Variants in SMAD2 observed in about 807,000 individuals in gnomAD.
SMAD2 encodes MAD homolog 2.
Under a neutral mutation model 64.4 loss-of-function variants are expected in SMAD2, and 8 were observed. The ratio of observed to expected loss-of-function variants is 0.12; its 90% CI spans 0.07 to 0.22. SMAD2 has a LOEUF of 0.22. Ranked by LOEUF, SMAD2 falls within the 10% of genes least tolerant of loss-of-function variation. The pLI, the probability that SMAD2 is intolerant of heterozygous loss-of-function variation, is 1.00. For missense variants in SMAD2, 289 were observed against 561.2 expected, an observed-to-expected ratio of 0.51 and a Z score of 4.90; for synonymous variants, 203 against 195.8, an observed-to-expected ratio of 1.04 and a Z score of -0.31.
At chr18:47,908,907 C>A (rs1260021507) in intron 1 of SMAD2, among the ~76,000 whole-genome samples, 1 of 152,120 alleles carries the variant, frequency 6.6e-6, no homozygotes, top group Non-Finnish European at 1.5e-5. Flanking sequence ...GAGATCCATA[C>A]GATGTGCCAC....
At chr18:47,889,613 T>C (rs1430924515) in intron 2 of SMAD2, among the ~76,000 whole-genome samples, 1 of 151,792 alleles carries the variant, frequency 6.6e-6, no homozygotes, top group Non-Finnish European at 1.5e-5. Flanking sequence ...CTACTAAAAA[T>C]ACAAAAAATT....
chr18:47,838,770 A>T lies in SMAD2; in HGVS notation c.*3057T>A, dbSNP rs552819974. On this transcript the variant is annotated 3_prime_UTR_variant, in exon 11 of 11. Transcript: ENST00000262160. ...TGCCACTAAGTCAGTGAGAACTCCA[A>T]CAGCCTCCCCTAAGCCAGCCCCCAA... The T allele has an allele frequency of 7.7e-5, 18 of 232,492 alleles. No individual in the cohort carries two copies. Among genetic ancestry groups the T allele is most frequent in the Admixed American group, 1.7e-4 (3 of 17,732 alleles). 14.4% of individuals were successfully genotyped at this position (232,492 alleles called of 1,614,324 possible). A position where few individuals can be genotyped will look rare whatever the true frequency, so the allele number is the denominator to read the frequency against.
At chr18:47,866,316 CA>C (rs34302955) in intron 5 of SMAD2, among the ~76,000 whole-genome samples, 52 of 42,092 alleles carry the variant, frequency 1.2e-3, no homozygotes, top group Middle Eastern at 0.015. Context: ...AACACCGTCT[CA>C]AAAAAAAAAA....
intron 7 of SMAD2, among the ~76,000 whole-genome samples, chr18:47,850,498 T>C (rs1255519690): frequency 4.0e-5 from 1 of 24,774 alleles, no homozygotes; most frequent in South Asian, 1.3e-3. Flanking sequence ...TTATGTATAA[T>C]ATATGTTATA....
In SMAD2 at chr18:47,832,250, T is replaced by C. The variant is rs946198448; in HGVS notation, c.*9577A>G. On this transcript the variant is annotated 3_prime_UTR_variant, in exon 11 of 11. Transcript: ENST00000262160. ...ATCTCCTGATACAGAACAGTGTCAC[T>C]ACTTCAAGCTAAGCAGTGACAGGCA... is the stretch of plus-strand genomic sequence containing the variant. 4.6e-5 allele frequency: 7 copies of C among 152,208 alleles called. No individual in the cohort carries two copies. Among genetic ancestry groups the C allele is most frequent in the African/African-American group, 1.7e-4 (7 of 41,448 alleles). 9.4% of individuals were successfully genotyped at this position (152,208 alleles called of 1,614,324 possible). A position where few individuals can be genotyped will look rare whatever the true frequency, so the allele number is the denominator to read the frequency against.
chr18:47,821,829 GCTT>G lies in SMAD2; in HGVS notation c.*19995_*19997del, dbSNP rs768914941. 8 of 151,998 alleles carry G rather than the reference GCTT, an allele frequency of 5.3e-5. No homozygotes were observed. Among genetic ancestry groups the G allele is most frequent in the Admixed American group, 6.6e-5 (1 of 15,260 alleles). The allele number at this position is 151,998 out of a possible 1,614,324, so 9.4% of individuals were successfully genotyped here. A position where few individuals can be genotyped will look rare whatever the true frequency, so the allele number is the denominator to read the frequency against. On this transcript the variant is annotated 3_prime_UTR_variant, in exon 11 of 11. Coordinates refer to ENST00000262160, the MANE Select transcript of SMAD2 (RefSeq NM_005901.6). The stretch of plus-strand genomic sequence containing the variant: ...TTAAATGTATGTAACTTTCTGCATT[GCTT>G]CTTAAGTCTTTTGATTATCATTCTT...
At chr18:47,903,082 C>CA (rs1445987520) in intron 1 of SMAD2, among the ~76,000 whole-genome samples, 1 of 151,762 alleles carries the variant, frequency 6.6e-6, no homozygotes, top group Non-Finnish European at 1.5e-5. Flanking sequence ...CCCATAAATG[C>CA]AAAAAATCTA....
intron 4 of SMAD2, among the ~76,000 whole-genome samples, chr18:47,868,888 A>C (rs1289709988): frequency 3.9e-5 from 6 of 152,196 alleles, no homozygotes; most frequent in Non-Finnish European, 8.8e-5. Flanking sequence ...GTACATACAA[A>C]TGATGTCATT....
rs1038176729 is a variant in SMAD2 at position 47,927,148 on chromosome 18, G to A, written c.-54+3213C>T. Among the ~76,000 whole-genome samples, 4 of 152,140 alleles carry A rather than the reference G, an allele frequency of 2.6e-5. No homozygotes were observed. The East Asian group carries it at 7.7e-4, about 29-fold the overall frequency. On this transcript the variant is annotated intron_variant, in intron 1 of 10. Transcript: ENST00000262160. Reference sequence around the variant, plus strand: ...TCCTTAACCAGCTTCTGTAATTAAAGGGCAATAAGTGATCAAATTAAGGTC... The same window carrying A: ...TCCTTAACCAGCTTCTGTAATTAAAAGGCAATAAGTGATCAAATTAAGGTC...
chr18:47,891,781 G>T (rs1364388363), intron 2 of SMAD2, among the ~76,000 whole-genome samples: 1 of 151,884 alleles, frequency 6.6e-6, no homozygotes, highest in East Asian at 1.9e-4. Flanking sequence ...AGAAAAAACT[G>T]ACTTCAAAGA....
Position 47,817,892 on chromosome 18 carries a change from T to C in SMAD2, c.*23935A>G, listed in dbSNP as rs1449366441. Reference sequence around the variant, plus strand: ...AACACTGGTCCAAACACCTGACTTATCTGTCAGGATTTACAGAATTTTCTT... The same window carrying C: ...AACACTGGTCCAAACACCTGACTTACCTGTCAGGATTTACAGAATTTTCTT... On this transcript the variant is annotated 3_prime_UTR_variant, in exon 11 of 11. Coordinates refer to ENST00000262160, the MANE Select transcript of SMAD2 (RefSeq NM_005901.6). 1.3e-5 allele frequency: 2 copies of C among 152,230 alleles called. No individual in the cohort carries two copies. Among genetic ancestry groups the C allele is most frequent in the Admixed American group, 6.5e-5 (1 of 15,276 alleles). The allele number at this position is 152,230 out of a possible 1,614,324, so 9.4% of individuals were successfully genotyped here.
chr18:47,912,593 G>T (rs2034180779), intron 1 of SMAD2: 1 of 152,220 alleles, frequency 6.6e-6, no homozygotes, highest in Non-Finnish European at 1.5e-5. Context: ...GAGACAACTG[G>T]TGTCTTGAAG....
chr18:47,897,279 C>T (rs1222213774), intron 1 of SMAD2, among the ~76,000 whole-genome samples: 3 of 152,112 alleles, frequency 2.0e-5, no homozygotes, highest in Non-Finnish European at 4.4e-5. Context: ...AGGGAAAATG[C>T]GTAAAGTGTG....
chr18:47,872,362 A>C (rs1471717569), intron 2 of SMAD2, among the ~76,000 whole-genome samples: 1 of 152,216 alleles, frequency 6.6e-6, no homozygotes, highest in Non-Finnish European at 1.5e-5. Context: ...ACATCCTTGG[A>C]TTCAACCAAC....
intron 2 of SMAD2, among the ~76,000 whole-genome samples, chr18:47,893,467 A>C (rs2033301900): frequency 6.6e-6 from 1 of 152,304 alleles, no homozygotes; most frequent in Middle Eastern, 3.4e-3. Context: ...ACTTAGTTGT[A>C]TTTTTTGGCT....
chr18:47,904,212 G>T (rs911013221), intron 1 of SMAD2, among the ~76,000 whole-genome samples: 3 of 149,256 alleles, frequency 2.0e-5, no homozygotes, highest in African/African-American at 7.4e-5. Context: ...GCAGAAAACG[G>T]AAGAGAGCTC....
intron 8 of SMAD2, among the ~76,000 whole-genome samples, chr18:47,847,128 G>A (rs1170476263): frequency 6.6e-6 from 1 of 152,038 alleles, no homozygotes; most frequent in Non-Finnish European, 1.5e-5. Flanking sequence ...GAATAAGGCA[G>A]AGAAAACCCA....
intron 2 of SMAD2, among the ~76,000 whole-genome samples, chr18:47,890,309 A>G (rs2033130154): frequency 6.6e-6 from 1 of 152,236 alleles, no homozygotes; most frequent in African/African-American, 2.4e-5. Flanking sequence ...ATTCATATTT[A>G]TAAAGTTTTA....
chr18:47,860,320 G>A (rs2031074311), intron 6 of SMAD2, among the ~76,000 whole-genome samples: 2 of 152,110 alleles, frequency 1.3e-5, no homozygotes, highest in Admixed American at 6.5e-5. Context: ...TGCCCAGGCT[G>A]GAGTGCAGCG....
Sources: gnomAD v4.1 joint callset for allele counts (sites outside exome capture counted in the v4.1 genomes callset) on GRCh38, gnomAD v4.1.1 for gene constraint, MANE v1.5 for transcripts, NCBI Gene and HGNC (gene_info 2026-07-23, HGNC 2026-07-21) for gene names.